The following ANK3 variants were observed in gnomAD, a reference collection of about 807,000 sequenced individuals.
The protein encoded by ANK3 is ankyrin-3.
ANK3 carries 57 observed loss-of-function variants against 370.9 expected under a neutral mutation model. The observed-to-expected ratio is 0.15, with a 90% CI of 0.12 to 0.19. ANK3 has a LOEUF of 0.19. Ranked by LOEUF, ANK3 falls within the 10% of genes least tolerant of loss-of-function variation. The probability of loss-of-function intolerance (pLI) is 1.00; values close to 1 mark genes in which losing one functional copy is unlikely to be tolerated. For synonymous variants in ANK3, 1,929 were observed against 1,946.3 expected (o/e 0.99, Z 0.23); for missense variants, 4,439 against 5,302.1 (o/e 0.84, Z 5.06).
intron 2 of ANK3, among the ~76,000 whole-genome samples, chr10:60,511,760 G>A (rs1041352835): frequency 5.3e-5 from 8 of 150,116 alleles, no homozygotes; most frequent in African/African-American, 1.5e-4. Context: ...CACTTTTCTC[G>A]CACTATCAGC....
intron 1 of ANK3, among the ~76,000 whole-genome samples, chr10:60,303,886 G>A (rs1002134658): frequency 1.8e-4 from 28 of 151,572 alleles, no homozygotes; most frequent in Non-Finnish European, 2.7e-4. Context: ...ATGTGTGTGT[G>A]TGTGTGTGTG....
At chr10:60,401,616 A>T (rs543511442) in intron 2 of ANK3, among the ~76,000 whole-genome samples, 1 of 152,214 alleles carries the variant, frequency 6.6e-6, no homozygotes, top group African/African-American at 2.4e-5. Flanking sequence ...TAGTTTTACA[A>T]TCTACTTTAA....
intron 1 of ANK3, among the ~76,000 whole-genome samples, chr10:60,730,410 G>A (rs750490710): frequency 6.6e-5 from 10 of 152,076 alleles, no homozygotes; most frequent in South Asian, 4.2e-4. Context: ...CTCGCATCTC[G>A]GCCTCCCAAA....
intron 42 of ANK3, among the ~76,000 whole-genome samples, chr10:60,047,772 A>G (rs950360884): frequency 6.6e-6 from 1 of 152,180 alleles, no homozygotes; most frequent in Admixed American, 6.5e-5. Context: ...GTTGGTTTAC[A>G]GTTTTTTACC....
At chr10:60,668,671 C>T (rs1299246258) in intron 1 of ANK3, among the ~76,000 whole-genome samples, 2 of 152,134 alleles carry the variant, frequency 1.3e-5, no homozygotes, top group Non-Finnish European at 2.9e-5. Context: ...CTGTTACCCT[C>T]CAGAAAGCTT....
intron 21 of ANK3, among the ~76,000 whole-genome samples, chr10:60,169,369 T>TTG (rs1442883347): frequency 0.013 from 1,960 of 145,482 alleles, 51 homozygotes; most frequent in East Asian, 0.067. Flanking sequence ...TCATAGTTTT[T>TTG]TTTTTTTTTT....
chr10:60,319,926 C>T (rs1459256967), intron 1 of ANK3, among the ~76,000 whole-genome samples: 3 of 152,194 alleles, frequency 2.0e-5, no homozygotes, highest in African/African-American at 7.2e-5. Flanking sequence ...ACAAGAGTTT[C>T]TCAAACTGGT....
intron 1 of ANK3, among the ~76,000 whole-genome samples, chr10:60,376,311 G>A (rs1327336568): frequency 2.0e-5 from 3 of 152,162 alleles, no homozygotes; most frequent in Non-Finnish European, 2.9e-5. Flanking sequence ...CTGAAATGGA[G>A]GTCTAGGAAA....
At chr10:60,343,833 C>A (rs879708123) in intron 1 of ANK3, among the ~76,000 whole-genome samples, 2 of 152,202 alleles carry the variant, frequency 1.3e-5, no homozygotes, top group Non-Finnish European at 2.9e-5. Flanking sequence ...CACTGCTGGA[C>A]CCACCCGAGC....
At chr10:60,512,919 G>GA (rs5785449) in intron 2 of ANK3, among the ~76,000 whole-genome samples, 148,909 of 152,194 alleles carry the variant, frequency 0.98, 72,928 homozygotes, top group Middle Eastern at 1. Flanking sequence ...TAACAAGGAA[G>GA]GCATTATTTT....
At chr10:60,207,995 G>A in intron 10 of ANK3, 41 bp downstream of exon 10, 1 of 1,564,230 alleles carries the variant, frequency 6.4e-7, no homozygotes, top group Non-Finnish European at 8.8e-7. Flanking sequence ...CACGTTGTGA[G>A]CAAGACAACT....
intron 2 of ANK3, among the ~76,000 whole-genome samples, chr10:60,604,582 T>A (rs755326177): frequency 3.6e-4 from 55 of 152,334 alleles, no homozygotes; most frequent in Non-Finnish European, 2.5e-4. Context: ...GCAGCAGTTC[T>A]AGCCTGTAAG....
chr10:60,334,478 A>G (rs2052297522), intron 1 of ANK3, among the ~76,000 whole-genome samples: 1 of 152,164 alleles, frequency 6.6e-6, no homozygotes, highest in South Asian at 2.1e-4. Context: ...GAGAGGTTCA[A>G]GTCTATCTAG....
At chr10:60,100,786 C>T (rs553385405) in intron 28 of ANK3, among the ~76,000 whole-genome samples, 1 of 152,232 alleles carries the variant, frequency 6.6e-6, no homozygotes, top group Non-Finnish European at 1.5e-5. Flanking sequence ...CCGTGTAATA[C>T]TTAGGTAGCA....
chr10:60,384,308 T>C (rs2061958711), intron 1 of ANK3, among the ~76,000 whole-genome samples: 1 of 152,172 alleles, frequency 6.6e-6, no homozygotes, highest in South Asian at 2.1e-4. Flanking sequence ...TAAAAAAGAA[T>C]CTTAAGAAAA....
intron 2 of ANK3, among the ~76,000 whole-genome samples, chr10:60,599,892 C>A (rs1037691674): frequency 4.6e-5 from 7 of 152,148 alleles, no homozygotes; most frequent in Non-Finnish European, 1.0e-4. Context: ...CTCTCTTCTA[C>A]AACTCTGGCT....
intron 41 of ANK3, among the ~76,000 whole-genome samples, chr10:60,056,989 T>C (rs781294638): frequency 6.6e-6 from 1 of 152,124 alleles, no homozygotes. Flanking sequence ...TGAGCTACTG[T>C]ACAAAAAATT....
intron 5 of ANK3, among the ~76,000 whole-genome samples, chr10:60,268,621 A>C (rs765866287): frequency 1.3e-5 from 2 of 151,862 alleles, no homozygotes; most frequent in Non-Finnish European, 2.9e-5. Flanking sequence ...TAATGCAAAC[A>C]TATCTATAAT....
rs948899165 is a variant in ANK3 at position 60,606,881 on chromosome 10, C to T, written c.96+8305G>A. Among the ~76,000 whole-genome samples the T allele has an allele frequency of 3.3e-5, 5 of 152,246 alleles. No individual in the cohort carries two copies. In the South Asian group the frequency reaches 8.3e-4, roughly 25 times the overall value. On this transcript the variant is annotated intron_variant, in intron 2 of 43. Transcript: ENST00000373827. ...AATCATCAACAGCTAAGTCTACTAG[C>T]AAAATGTGACTCTCACTGCTCCCCA...
Sources: allele counts gnomAD v4.1 joint callset (sites outside exome capture counted in the v4.1 genomes callset), GRCh38; gene constraint gnomAD v4.1.1; transcripts MANE v1.5; gene names NCBI Gene and HGNC (gene_info 2026-07-23, HGNC 2026-07-21).